Variants in PTPRR observed in about 807,000 individuals in gnomAD.
The protein encoded by PTPRR is protein tyrosine phosphatase receptor type R.
In PTPRR, 38 loss-of-function variants were observed where a neutral mutation model predicts 77.2. That is an observed-to-expected ratio of 0.49 (90% CI 0.38 to 0.65). The LOEUF (loss-of-function observed/expected upper bound fraction) is 0.65. PTPRR is among the 30% of genes least tolerant of loss of function. The pLI, the probability that PTPRR is intolerant of heterozygous loss-of-function variation, is 0.00. For synonymous variants in PTPRR, 299 were observed against 283.1 expected (o/e 1.06, Z -0.57); for missense variants, 744 against 799.2 (o/e 0.93, Z 0.83).
intron 2 of PTPRR, among the ~76,000 whole-genome samples, chr12:70,834,814 T>A (rs1892273412): frequency 6.6e-6 from 1 of 152,110 alleles, no homozygotes; most frequent in Admixed American, 6.6e-5. Flanking sequence ...AGATAAGGCA[T>A]CCTGATCATT....
At chr12:70,669,801 T>C (rs1239499610) in intron 10 of PTPRR, among the ~76,000 whole-genome samples, 1 of 152,140 alleles carries the variant, frequency 6.6e-6, no homozygotes, top group Non-Finnish European at 1.5e-5. Context: ...GGTATCCTTA[T>C]GTTGCCCAGG....
intron 2 of PTPRR, among the ~76,000 whole-genome samples, chr12:70,787,549 A>G (rs1891348354): frequency 2.0e-5 from 3 of 152,192 alleles, no homozygotes; most frequent in South Asian, 4.1e-4. Context: ...AGCAATAAAC[A>G]TTACAAGAAA....
intron 2 of PTPRR, among the ~76,000 whole-genome samples, chr12:70,800,970 C>A (rs1477897350): frequency 2.0e-5 from 3 of 151,798 alleles, no homozygotes; most frequent in Non-Finnish European, 4.4e-5. Context: ...CTTCTCCCCA[C>A]AAACCCCACC....
In PTPRR at chr12:70,701,275, G is replaced by A. The variant is rs765971043; in HGVS notation, c.1056C>T (p.Asn352=). Residue 352 remains asparagine (N), a synonymous_variant, in exon 7 of 14, where the codon AAC becomes AAT. Coordinates refer to ENST00000283228, the MANE Select transcript of PTPRR (RefSeq NM_002849.4). ...SLTLDMSSLG[N]IEPFVSIPTP... is the part of the protein sequence containing the mutation. ...TTGGTATAGACACAAAGGGTTCAAT[G>A]TTCCCCAAGCTACTCATGTCCAATG... The A allele has an allele frequency of 6.2e-7, 1 of 1,613,918 alleles. No individual in the cohort carries two copies. Among genetic ancestry groups the A allele is most frequent in the East Asian group, 2.2e-5 (1 of 44,874 alleles).
At chr12:70,876,812 G>A (rs1453434597) in intron 2 of PTPRR, among the ~76,000 whole-genome samples, 1 of 152,124 alleles carries the variant, frequency 6.6e-6, no homozygotes, top group Non-Finnish European at 1.5e-5. Context: ...AAGGAAAATC[G>A]CTACATTATT....
chr12:70,772,628 C>A (rs991739010), intron 2 of PTPRR, among the ~76,000 whole-genome samples: 4 of 152,066 alleles, frequency 2.6e-5, no homozygotes, highest in Non-Finnish European at 5.9e-5. Flanking sequence ...ACCTTAGGGT[C>A]TCTCAATGCT....
chr12:70,828,094 C>G (rs899659478), intron 2 of PTPRR, among the ~76,000 whole-genome samples: 1 of 152,106 alleles, frequency 6.6e-6, no homozygotes, highest in Admixed American at 6.6e-5. Context: ...CTACCAAAGT[C>G]CCTACATTGG....
intron 1 of PTPRR, among the ~76,000 whole-genome samples, chr12:70,895,899 C>T (rs17109005): frequency 0.029 from 4,385 of 151,658 alleles, 210 homozygotes; most frequent in African/African-American, 0.1. Context: ...TTAGTGAAGC[C>T]GTAATTCTAA....
At chr12:70,886,676 G>C (rs1295751637) in intron 2 of PTPRR, among the ~76,000 whole-genome samples, 3 of 152,206 alleles carry the variant, frequency 2.0e-5, no homozygotes, top group African/African-American at 7.2e-5. Flanking sequence ...AATGTAAAAC[G>C]AGATCATATA....
chr12:70,650,043 A>G (rs1886337859), intron 13 of PTPRR, among the ~76,000 whole-genome samples: 1 of 152,234 alleles, frequency 6.6e-6, no homozygotes, highest in Non-Finnish European at 1.5e-5. Flanking sequence ...AATAAATGTG[A>G]AAGAGTGCTT....
At chr12:70,733,632 C>T (rs1889764652) in intron 6 of PTPRR, among the ~76,000 whole-genome samples, 1 of 152,172 alleles carries the variant, frequency 6.6e-6, no homozygotes, top group African/African-American at 2.4e-5. Flanking sequence ...GAGAACAGTG[C>T]TCTCTCCATG....
intron 2 of PTPRR, among the ~76,000 whole-genome samples, chr12:70,780,866 G>C (rs1174427735): frequency 6.6e-6 from 1 of 152,174 alleles, no homozygotes; most frequent in Non-Finnish European, 1.5e-5. Context: ...TGGGGCATGT[G>C]CAGGTCTGTG....
intron 2 of PTPRR, among the ~76,000 whole-genome samples, chr12:70,788,367 T>C (rs1891364685): frequency 6.6e-6 from 1 of 152,226 alleles, no homozygotes; most frequent in Admixed American, 6.5e-5. Flanking sequence ...TAAAAATGTC[T>C]AGATTTAGTG....
At chr12:70,799,342 T>G (rs1157880201) in intron 2 of PTPRR, among the ~76,000 whole-genome samples, 1 of 152,214 alleles carries the variant, frequency 6.6e-6, no homozygotes, top group Non-Finnish European at 1.5e-5. Flanking sequence ...TACTTAAGTA[T>G]ATTGTTCTTG....
At chr12:70,908,217 A>G (rs1023544279) in intron 1 of PTPRR, among the ~76,000 whole-genome samples, 9 of 152,184 alleles carry the variant, frequency 5.9e-5, no homozygotes, top group Admixed American at 3.3e-4. Context: ...GAACATTAGA[A>G]CACATAAATA....
intron 13 of PTPRR, among the ~76,000 whole-genome samples, chr12:70,653,431 GA>G (rs1476074650): frequency 2.0e-5 from 3 of 152,152 alleles, no homozygotes; most frequent in African/African-American, 7.2e-5. Context: ...AACATTTTTG[GA>G]AGCAGTTACA....
At chr12:70,665,593 ACTGGTCTTGAACTC>A (rs1886962625) in intron 10 of PTPRR, among the ~76,000 whole-genome samples, 1 of 151,042 alleles carries the variant, frequency 6.6e-6, no homozygotes, top group Admixed American at 6.6e-5. Flanking sequence ...TGTTGGCCAG[ACTGGTCTTGAACTC>A]CTGACCTCAG....
rs550858005 is a variant in PTPRR at position 70,749,699 on chromosome 12, C to G, written c.739-3613G>C. On this transcript the variant is annotated intron_variant, in intron 5 of 13. Coordinates refer to ENST00000283228, the MANE Select transcript of PTPRR (RefSeq NM_002849.4). ...TTCAATGTAGGATTTCTTGCTGCGGCTACCAGACTACAACTAGAGAAACTC... is the reference window on the plus strand; with the variant it reads ...TTCAATGTAGGATTTCTTGCTGCGGGTACCAGACTACAACTAGAGAAACTC... 2.6e-5 allele frequency among the ~76,000 whole-genome samples: 4 copies of G among 152,230 alleles called. No individual in the cohort carries two copies. In the South Asian group the frequency reaches 8.3e-4, roughly 32 times the overall value.
intron 10 of PTPRR, among the ~76,000 whole-genome samples, chr12:70,675,273 C>CAAGTTATTT (rs1389614407): frequency 6.6e-6 from 1 of 151,816 alleles, no homozygotes; most frequent in Non-Finnish European, 1.5e-5. Flanking sequence ...ATTTAATTTG[C>CAAGTTATTT]AAGTTATTTG....
Sources: allele counts gnomAD v4.1 joint callset (sites outside exome capture counted in the v4.1 genomes callset), GRCh38; gene constraint gnomAD v4.1.1; transcripts MANE v1.5; gene names NCBI Gene and HGNC (gene_info 2026-07-23, HGNC 2026-07-21).